The following XRCC1 variants were observed in gnomAD, a reference collection of about 807,000 sequenced individuals.
XRCC1 encodes X-ray repair cross complementing 1.
XRCC1 carries 52 observed loss-of-function variants against 83.3 expected under a neutral mutation model. The observed-to-expected ratio is 0.62, with a 90% CI of 0.50 to 0.79. The LOEUF (loss-of-function observed/expected upper bound fraction) is 0.79, where lower values mean the gene tolerates loss of function less well. Ranked by LOEUF, XRCC1 falls within the 30% of genes least tolerant of loss-of-function variation. The probability of loss-of-function intolerance (pLI) is 0.00; values close to 1 mark genes in which losing one functional copy is unlikely to be tolerated. For missense variants in XRCC1, 793 were observed against 823.5 expected (o/e 0.96, Z 0.45); for synonymous variants, 281 against 312.6 (o/e 0.90, Z 1.07).
intron 3 of XRCC1, chr19:43,555,434 C>T (rs1177019515): frequency 6.6e-6 from 1 of 152,254 alleles, no homozygotes; most frequent in African/African-American, 2.4e-5. Flanking sequence ...CATTGCAGAT[C>T]CTGTGAGCAT....
intron 10 of XRCC1, among the ~76,000 whole-genome samples, chr19:43,549,685 T>C (rs1299597344): frequency 6.6e-6 from 1 of 152,150 alleles, no homozygotes; most frequent in Non-Finnish European, 1.5e-5. Context: ...GCCTCCCAAG[T>C]ATCTACGACT....
At chr19:43,558,629 CAAAT>C (rs200897711) in intron 3 of XRCC1, among the ~76,000 whole-genome samples, 3 of 150,096 alleles carry the variant, frequency 2.0e-5, no homozygotes, top group South Asian at 2.1e-4. Context: ...ACCCCCATCT[CAAAT>C]AAATAAATAA....
At chr19:43,572,869 T>C (rs1014281025) in intron 2 of XRCC1, among the ~76,000 whole-genome samples, 1 of 151,568 alleles carries the variant, frequency 6.6e-6, no homozygotes, top group Non-Finnish European at 1.5e-5. Flanking sequence ...AACCAAGTTG[T>C]ATTAACTTAC....
chr19:43,565,468 CCT>C (rs1341200801), intron 2 of XRCC1, among the ~76,000 whole-genome samples: 1 of 152,228 alleles, frequency 6.6e-6, no homozygotes, highest in Admixed American at 6.5e-5. Flanking sequence ...GTTCTCAACT[CCT>C]TTCTTTCCAT....
chr19:43,546,772 G>T (rs766684504), intron 11 of XRCC1, 45 bp from the exon 12 acceptor site: 2 of 1,595,646 alleles, frequency 1.3e-6, no homozygotes, highest in African/African-American at 1.3e-5. Context: ...GAACAGTGTG[G>T]GTGTGTTGGG....
intron 3 of XRCC1, 90 bp from the exon 4 acceptor site, chr19:43,554,894 A>C: frequency 7.1e-7 from 1 of 1,416,460 alleles, no homozygotes; most frequent in Non-Finnish European, 9.6e-7. Flanking sequence ...CACAGGGCCC[A>C]CACAGGGGAC....
In XRCC1 at chr19:43,552,163, G is replaced by C. The variant is rs781166972; in HGVS notation, c.936C>G (p.Gly312=). Residue 312 remains glycine (G), a synonymous_variant, in exon 9 of 17, where the codon GGC becomes GGG. Coordinates refer to ENST00000262887, the MANE Select transcript of XRCC1 (RefSeq NM_006297.3). ...EGTEPRRPRA[G]PEELGKILQG... ...GAAGGATCTTCCCCAGCTCCTCTGG[G>C]CCAGCTCGGGGTCGTCTGGGCTCGG... 2.6e-5 allele frequency: 42 copies of C among 1,613,918 alleles called. No individual in the cohort carries two copies. Among genetic ancestry groups the C allele is most frequent in the Non-Finnish European group, 3.2e-5 (38 of 1,179,968 alleles).
At chr19:43,548,324 G>T (rs1427318579) in intron 10 of XRCC1, among the ~76,000 whole-genome samples, 1 of 152,202 alleles carries the variant, frequency 6.6e-6, no homozygotes, top group African/African-American at 2.4e-5. Context: ...CGGTTTTGTG[G>T]AATAGAAAAG....
chr19:43,575,300 C>A, intron 1 of XRCC1, 108 bp downstream of exon 1: 1 of 1,237,084 alleles, frequency 8.1e-7, no homozygotes, highest in Non-Finnish European at 1.1e-6. Flanking sequence ...TCCTGGAAAT[C>A]CCCCCATGAC....
intron 3 of XRCC1, among the ~76,000 whole-genome samples, chr19:43,556,578 C>T (rs958706346): frequency 1.3e-5 from 2 of 152,080 alleles, no homozygotes; most frequent in Non-Finnish European, 2.9e-5. Flanking sequence ...CCAAGGCAGG[C>T]GGATCATTTG....
In XRCC1 at chr19:43,567,881, T is replaced by C. The variant is rs532460815; in HGVS notation, c.145-6861A>G. ...TCCATGAAATGCAATCTTTTCTTTT[T>C]TTTTTTTTTTTGAGACAGAGTCTTG... On this transcript the variant is annotated intron_variant, in intron 2 of 16. Transcript: ENST00000262887. 1.3e-3 allele frequency among the ~76,000 whole-genome samples: 199 copies of C among 150,902 alleles called. 1 individual carries two copies. The highest frequency in any genetic ancestry group is 4.6e-3 in the African/African-American group (189 of 41,226).
In XRCC1 at chr19:43,575,515, G is replaced by T; in HGVS notation, c.-57C>A. On this transcript the variant is annotated 5_prime_UTR_variant, in exon 1 of 17. Transcript: ENST00000262887. ...GATGAGGTAGAGTATGGGGTCCGAG[G>T]GGCAGGGAGAGTGGGAGGGGGCGGG... 1.3e-6 allele frequency: 2 copies of T among 1,576,988 alleles called. No individual in the cohort carries two copies. Among genetic ancestry groups the T allele is most frequent in the South Asian group, 1.1e-5 (1 of 88,872 alleles).
chr19:43,557,298 A>G (rs1183690618), intron 3 of XRCC1, among the ~76,000 whole-genome samples: 1 of 116,652 alleles, frequency 8.6e-6, no homozygotes, highest in East Asian at 2.5e-4. Flanking sequence ...ATAGAGCGAG[A>G]CTCCGTCTCA....
rs774771068 is a variant in XRCC1, at chr19:43,544,118, C to T, written c.1712+26G>A. ...CGTTCCCTTGGATCCATCACCCCTT[C>T]CCCACCCCAGTCCCTGGAGACTCAC... On this transcript the variant is annotated intron_variant, in intron 15 of 16. Transcript: ENST00000262887. The T allele has an allele frequency of 1.0e-5, 16 of 1,578,602 alleles. No homozygotes were observed. The East Asian group carries it at 3.6e-4, about 36-fold the overall frequency.
At chr19:43,559,287 T>C (rs942979366) in intron 3 of XRCC1, among the ~76,000 whole-genome samples, 2 of 151,360 alleles carry the variant, frequency 1.3e-5, no homozygotes, top group South Asian at 2.1e-4. Context: ...ATCGAGACCA[T>C]CCTGGCTAAC....
intron 3 of XRCC1, among the ~76,000 whole-genome samples, chr19:43,555,651 C>T (rs1972628734): frequency 1.3e-5 from 2 of 152,158 alleles, no homozygotes; most frequent in Non-Finnish European, 2.9e-5. Flanking sequence ...TCAATAATTC[C>T]TGCTCCTTTC....
At chr19:43,558,326 C>A (rs1023297304) in intron 3 of XRCC1, among the ~76,000 whole-genome samples, 4 of 92,502 alleles carry the variant, frequency 4.3e-5, no homozygotes, top group Admixed American at 1.4e-4. Context: ...CAAAGTGAGA[C>A]CTCGTTTCAA....
At chr19:43,546,225 C>T in intron 12 of XRCC1, 119 bp from the exon 13 acceptor site, 1 of 1,171,456 alleles carries the variant, frequency 8.5e-7, no homozygotes, top group Non-Finnish European at 1.2e-6. Context: ...CCCTCCAGAT[C>T]CAGTCGTCTG....
intron 2 of XRCC1, among the ~76,000 whole-genome samples, chr19:43,570,837 T>A (rs1032977101): frequency 1.9e-5 from 1 of 53,876 alleles, no homozygotes; most frequent in East Asian, 8.9e-4. Flanking sequence ...TGGCCAGAAA[T>A]GTCTGCCTTT....
Sources: gnomAD v4.1 joint callset for allele counts (sites outside exome capture counted in the v4.1 genomes callset) on GRCh38, gnomAD v4.1.1 for gene constraint, MANE v1.5 for transcripts, NCBI Gene and HGNC (gene_info 2026-07-23, HGNC 2026-07-21) for gene names.